PLAAT1: variants seen among roughly 807,000 people sequenced by gnomAD.
The protein encoded by PLAAT1 is H-REV107 protein-related protein.
Under a neutral mutation model 16.4 loss-of-function variants are expected in PLAAT1, and 13 were observed. The ratio of observed to expected loss-of-function variants is 0.79; its 90% CI spans 0.52 to 1.26. The LOEUF (loss-of-function observed/expected upper bound fraction) is 1.26. Among genes scored for constraint, PLAAT1 ranks in the 50% most tolerant of loss-of-function variants. The pLI is 0.00. For synonymous variants in PLAAT1, 73 were observed against 78.4 expected, an observed-to-expected ratio of 0.93 and a Z score of 0.36; for missense variants, 218 against 207.8, an observed-to-expected ratio of 1.05 and a Z score of -0.30.
chr3:193,244,552 C>G (rs1256653894), intron 1 of PLAAT1, among the ~76,000 whole-genome samples: 1 of 145,602 alleles, frequency 6.9e-6, no homozygotes, highest in African/African-American at 2.8e-5. Context: ...TAGAAATAAT[C>G]AAACTAATGT....
downstream of PLAAT1, among the ~76,000 whole-genome samples, chr3:193,280,015 C>G (rs1717411927): frequency 7.9e-6 from 1 of 127,092 alleles, no homozygotes; most frequent in Non-Finnish European, 1.6e-5. Context: ...CCCTGTGTAC[C>G]TGTGTACATA....
chr3:193,258,792 G>T (rs1716476026), intron 2 of PLAAT1, among the ~76,000 whole-genome samples: 1 of 151,988 alleles, frequency 6.6e-6, no homozygotes, highest in Non-Finnish European at 1.5e-5. Context: ...AAAAAGCCCT[G>T]GAGCAGATGG....
intron 3 of PLAAT1, among the ~76,000 whole-genome samples, chr3:193,268,112 GT>G (rs1716841664): frequency 6.6e-6 from 1 of 152,004 alleles, no homozygotes; most frequent in Non-Finnish European, 1.5e-5. Flanking sequence ...TTTTACAGTT[GT>G]TTTCTCTCAG....
At chr3:193,252,972 G>A (rs1326910296) in intron 1 of PLAAT1, among the ~76,000 whole-genome samples, 1 of 152,134 alleles carries the variant, frequency 6.6e-6, no homozygotes. Flanking sequence ...ATGTGGGTGA[G>A]CGGTGAGTAG....
chr3:193,241,420 G>A lies in PLAAT1; in HGVS notation c.-114G>A, dbSNP rs1237367361. On this transcript the variant is annotated 5_prime_UTR_variant, in exon 1 of 4. An upstream start codon of the reference 5' UTR is lost. Transcript: ENST00000264735. ...TCCCGGGTGTCTCCCGGGTACAGAT[G>A]GAGTCGTCCCGCGGCCGCCGGCGGC... 2 of 1,231,696 alleles carry A rather than the reference G, an allele frequency of 1.6e-6. No individual in the cohort carries two copies. The highest frequency in any genetic ancestry group is 1.0e-6 in the Non-Finnish European group (1 of 988,042). 76.3% of individuals were successfully genotyped at this position (1,231,696 alleles called of 1,614,324 possible). A position where few individuals can be genotyped will look rare whatever the true frequency, so the allele number is the denominator to read the frequency against.
intron 3 of PLAAT1, among the ~76,000 whole-genome samples, chr3:193,265,487 A>C (rs1356455166): frequency 6.6e-6 from 1 of 152,144 alleles, no homozygotes; most frequent in Non-Finnish European, 1.5e-5. Flanking sequence ...GAGGTGGTTG[A>C]GGTAAATCAG....
chr3:193,269,486 C>T (rs923609166), intron 3 of PLAAT1, among the ~76,000 whole-genome samples: 1 of 152,148 alleles, frequency 6.6e-6, no homozygotes, highest in Non-Finnish European at 1.5e-5. Flanking sequence ...CTGTTCCTAA[C>T]AGGGAAGCTG....
At chr3:193,262,882 C>CA in intron 2 of PLAAT1, 88 bp from the exon 3 acceptor site, 1 of 1,323,488 alleles carries the variant, frequency 7.6e-7, no homozygotes, top group Admixed American at 1.9e-5. Context: ...TAGGTTTAGA[C>CA]ATGCCAGCAT....
intron 1 of PLAAT1, 99 bp downstream of exon 1, chr3:193,241,632 A>G (rs1715751377): frequency 1.2e-6 from 1 of 829,060 alleles, no homozygotes. Flanking sequence ...ACTAGAGAAC[A>G]ACGGAGCTTA....
intron 3 of PLAAT1, among the ~76,000 whole-genome samples, chr3:193,264,511 C>CTT (rs34935727): frequency 0.037 from 5,457 of 147,848 alleles, 155 homozygotes; most frequent in Middle Eastern, 0.094. Context: ...TCTTCTTCTT[C>CTT]TTTTTTTTTT....
At chr3:193,243,618 G>A (rs1260168672) in intron 1 of PLAAT1, among the ~76,000 whole-genome samples, 3 of 152,200 alleles carry the variant, frequency 2.0e-5, no homozygotes, top group Admixed American at 6.5e-5. Context: ...TTTGGTTAAT[G>A]ATGTTAATCA....
chr3:193,279,266 G>A (rs146043231), downstream of PLAAT1: 33 of 914,666 alleles, frequency 3.6e-5, no homozygotes, highest in East Asian at 6.4e-4. Flanking sequence ...ACAGTATTTG[G>A]TGGTCAAAGA....
At chr3:193,242,106 A>G (rs1368977726) in intron 1 of PLAAT1, among the ~76,000 whole-genome samples, 1 of 110,758 alleles carries the variant, frequency 9.0e-6, no homozygotes, top group Non-Finnish European at 1.8e-5. Flanking sequence ...ACATTATGAG[A>G]GGTTTTTTTT....
At chr3:193,265,803 G>C (rs1278780279) in intron 3 of PLAAT1, among the ~76,000 whole-genome samples, 2 of 151,784 alleles carry the variant, frequency 1.3e-5, no homozygotes. Context: ...AATTGCTTTT[G>C]AGCTAGAACA....
rs931533579 is a variant in PLAAT1, at chr3:193,241,438, C to T, written c.-96C>T. Reference sequence around the variant, plus strand: ...TACAGATGGAGTCGTCCCGCGGCCGCCGGCGGCAAGGTCGGCAGCTGCGAG... The same window carrying T: ...TACAGATGGAGTCGTCCCGCGGCCGTCGGCGGCAAGGTCGGCAGCTGCGAG... On this transcript the variant is annotated 5_prime_UTR_variant, in exon 1 of 4. Transcript: ENST00000264735. The T allele has an allele frequency of 6.5e-6, 8 of 1,231,694 alleles. No homozygotes were observed. Among genetic ancestry groups the T allele is most frequent in the African/African-American group, 1.6e-5 (1 of 64,420 alleles). 76.3% of individuals were successfully genotyped at this position (1,231,694 alleles called of 1,614,324 possible). A position where few individuals can be genotyped will look rare whatever the true frequency, so the allele number is the denominator to read the frequency against.
chr3:193,279,694 C>T (rs1327236175), downstream of PLAAT1, among the ~76,000 whole-genome samples: 1 of 152,078 alleles, frequency 6.6e-6, no homozygotes, highest in African/African-American at 2.4e-5. Flanking sequence ...AAGTAACCTC[C>T]ATAAAGCAGC....
intron 1 of PLAAT1, among the ~76,000 whole-genome samples, chr3:193,244,368 A>G (rs865982608): frequency 2.0e-5 from 3 of 152,140 alleles, no homozygotes; most frequent in Non-Finnish European, 2.9e-5. Flanking sequence ...TGAGTGATCC[A>G]GTTAATGACA....
intron 3 of PLAAT1, among the ~76,000 whole-genome samples, chr3:193,268,299 C>T (rs951555829): frequency 5.3e-5 from 8 of 152,166 alleles, no homozygotes; most frequent in Admixed American, 3.3e-4. Context: ...ATGACTGCAG[C>T]CTTACGAGGC....
intron 1 of PLAAT1, among the ~76,000 whole-genome samples, chr3:193,250,842 C>T (rs937781762): frequency 6.6e-6 from 1 of 152,080 alleles, no homozygotes; most frequent in South Asian, 2.1e-4. Context: ...CTATCCCCCC[C>T]ACCCCCGCAC....
Sources: gnomAD v4.1 joint callset for allele counts (sites outside exome capture counted in the v4.1 genomes callset) on GRCh38, gnomAD v4.1.1 for gene constraint, MANE v1.5 for transcripts, NCBI Gene and HGNC (gene_info 2026-07-23, HGNC 2026-07-21) for gene names.